Variants in INPP4A observed in about 807,000 individuals in gnomAD.
INPP4A encodes inositol polyphosphate-4-phosphatase type I A, also known as inositol polyphosphate-4-phosphatase, type I, 107kD.
In INPP4A, 33 loss-of-function variants were observed where a neutral mutation model predicts 119.8. That is an observed-to-expected ratio of 0.28 (90% CI 0.21 to 0.37). The LOEUF is 0.37. Ranked by LOEUF, INPP4A falls within the 10% of genes least tolerant of loss-of-function variation. INPP4A has a pLI of 1.00. For synonymous variants in INPP4A, 496 were observed against 500.7 expected (o/e 0.99, Z 0.12); for missense variants, 956 against 1,289.9 (o/e 0.74, Z 3.97).
At chr2:98,541,132 CCTGA>C (rs1691352249) in intron 10 of INPP4A, among the ~76,000 whole-genome samples, 1 of 152,132 alleles carries the variant, frequency 6.6e-6, no homozygotes. Context: ...TTGAGACCAT[CCTGA>C]CTAACACGGT....
chr2:98,511,855 G>A (rs1347196475), intron 1 of INPP4A, among the ~76,000 whole-genome samples: 1 of 152,194 alleles, frequency 6.6e-6, no homozygotes, highest in African/African-American at 2.4e-5. Context: ...GAACAGGCCT[G>A]TGCTCTCATG....
At chr2:98,471,628 A>T (rs527856646) in intron 1 of INPP4A, among the ~76,000 whole-genome samples, 29 of 152,212 alleles carry the variant, frequency 1.9e-4, no homozygotes, top group Non-Finnish European at 3.4e-4. Context: ...TGTGTTTGCC[A>T]AGTAGACTGT....
intron 1 of INPP4A, among the ~76,000 whole-genome samples, chr2:98,518,718 G>A (rs1192578349): frequency 6.6e-6 from 1 of 152,208 alleles, no homozygotes; most frequent in Non-Finnish European, 1.5e-5. Flanking sequence ...TGCTCACCTG[G>A]CTCTTTAGGA....
intron 1 of INPP4A, among the ~76,000 whole-genome samples, chr2:98,466,130 C>T (rs913312869): frequency 1.3e-5 from 2 of 152,248 alleles, no homozygotes; most frequent in African/African-American, 4.8e-5. Flanking sequence ...ACTGCAACCT[C>T]TGTCTCCTGG....
intron 1 of INPP4A, among the ~76,000 whole-genome samples, chr2:98,453,514 G>A (rs748136143): frequency 3.3e-5 from 5 of 152,114 alleles, no homozygotes; most frequent in Non-Finnish European, 7.3e-5. Context: ...GTGGATTTTG[G>A]TAAAGATGTG....
intron 18 of INPP4A, 29 bp downstream of exon 18, chr2:98,563,666 C>A: frequency 6.2e-7 from 1 of 1,606,440 alleles, no homozygotes; most frequent in East Asian, 2.2e-5. Context: ...CCGAGGGAGA[C>A]CACGGGCACC....
chr2:98,483,285 C>CT (rs1678847766), intron 1 of INPP4A, among the ~76,000 whole-genome samples: 2 of 152,276 alleles, frequency 1.3e-5, no homozygotes, highest in South Asian at 4.1e-4. Context: ...TCATCGAATT[C>CT]TTTGTGTTTT....
chr2:98,465,445 G>A (rs1674540725), intron 1 of INPP4A, among the ~76,000 whole-genome samples: 2 of 152,228 alleles, frequency 1.3e-5, no homozygotes, highest in South Asian at 4.1e-4. Flanking sequence ...CTCATCTCAA[G>A]ATTCGAAACT....
chr2:98,481,167 T>C (rs960609948), intron 1 of INPP4A, among the ~76,000 whole-genome samples: 2 of 152,188 alleles, frequency 1.3e-5, no homozygotes, highest in East Asian at 1.9e-4. Context: ...GAACTTTTCC[T>C]GCATCTGACA....
intron 4 of INPP4A, among the ~76,000 whole-genome samples, chr2:98,532,007 A>G (rs1296979963): frequency 6.6e-6 from 1 of 152,242 alleles, no homozygotes; most frequent in Non-Finnish European, 1.5e-5. Flanking sequence ...GGCAATCTTA[A>G]TGTCAGAAAA....
chr2:98,586,336 G>GT (rs372688108), intron 24 of INPP4A, among the ~76,000 whole-genome samples: 161 of 144,832 alleles, frequency 1.1e-3, no homozygotes, highest in South Asian at 5.2e-3. Flanking sequence ...TGCCACTGAT[G>GT]TTTTTTTTTT....
At chr2:98,486,248 A>G (rs772084311) in intron 1 of INPP4A, among the ~76,000 whole-genome samples, 3 of 152,194 alleles carry the variant, frequency 2.0e-5, no homozygotes, top group Non-Finnish European at 4.4e-5. Flanking sequence ...AAATATTGTA[A>G]TGTAAGAATC....
chr2:98,482,204 T>A (rs973993644), intron 1 of INPP4A, among the ~76,000 whole-genome samples: 1 of 152,292 alleles, frequency 6.6e-6, no homozygotes, highest in African/African-American at 2.4e-5. Context: ...GCCACCTTGC[T>A]GTAAAATGTT....
intron 1 of INPP4A, among the ~76,000 whole-genome samples, chr2:98,514,743 T>C (rs11884553): frequency 0.27 from 41,724 of 151,882 alleles, 5,775 homozygotes; most frequent in Middle Eastern, 0.35. Context: ...TAGTGAGACC[T>C]CATCTCTAAT....
intron 1 of INPP4A, among the ~76,000 whole-genome samples, chr2:98,468,433 C>T (rs750413336): frequency 1.3e-5 from 2 of 151,926 alleles, no homozygotes; most frequent in Non-Finnish European, 2.9e-5. Flanking sequence ...GGATGGGGGT[C>T]TTGCTTTGTT....
chr2:98,536,245 A>ACCTCATGATTCCAG, intron 7 of INPP4A, 37 bp downstream of exon 7: 1 of 1,287,126 alleles, frequency 7.8e-7, no homozygotes, highest in Non-Finnish European at 1.1e-6. Context: ...AAGGATCTGG[A>ACCTCATGATTCCAG]ATCATGAGGT....
At chr2:98,545,827 A>G in intron 11 of INPP4A, 142 bp from the exon 12 acceptor site, 1 of 591,222 alleles carries the variant, frequency 1.7e-6, no homozygotes, top group Non-Finnish European at 2.9e-6. Context: ...AAATGTGCTC[A>G]TGGCAACTCA....
intron 4 of INPP4A, among the ~76,000 whole-genome samples, chr2:98,530,313 CAAGAGA>C (rs1449305153): frequency 6.6e-6 from 1 of 151,872 alleles, no homozygotes; most frequent in Admixed American, 6.6e-5. Context: ...CAGTGGTTCC[CAAGAGA>C]AAGGCCAAGA....
intron 1 of INPP4A, among the ~76,000 whole-genome samples, chr2:98,449,441 A>T (rs979711054): frequency 6.6e-6 from 1 of 152,188 alleles, no homozygotes; most frequent in Non-Finnish European, 1.5e-5. Context: ...TGCTCAAATT[A>T]TCCTAGATTT....
Sources: gnomAD v4.1 joint callset for allele counts (sites outside exome capture counted in the v4.1 genomes callset) on GRCh38, gnomAD v4.1.1 for gene constraint, MANE v1.5 for transcripts, NCBI Gene and HGNC (gene_info 2026-07-23, HGNC 2026-07-21) for gene names.